CARMIL3: variants seen among roughly 807,000 people sequenced by gnomAD.
CARMIL3 encodes the protein capping protein regulator and myosin 1 linker 3.
Under a neutral mutation model 180.8 loss-of-function variants are expected in CARMIL3, and 88 were observed. The observed-to-expected ratio is 0.49, with a 90% CI of 0.41 to 0.58. The LOEUF is 0.58. Ranked by LOEUF, CARMIL3 falls within the 20% of genes least tolerant of loss-of-function variation. The pLI is 0.00. For synonymous variants in CARMIL3, 696 were observed against 714.5 expected, an observed-to-expected ratio of 0.97 and a Z score of 0.41; for missense variants, 1,548 against 1,787.0, an observed-to-expected ratio of 0.87 and a Z score of 2.41.
intron 1 of CARMIL3, among the ~76,000 whole-genome samples, chr14:24,053,107 A>C (rs558211650): frequency 1.3e-5 from 2 of 152,226 alleles, no homozygotes; most frequent in African/African-American, 2.4e-5. Context: ...CTGCCAGCAG[A>C]TGGGTATGGG....
At position 24,055,137 on chromosome 14, in the gene CARMIL3, G is replaced by A. The variant is rs1273263881; in HGVS notation, c.531+1G>A. On this transcript the variant is annotated splice_donor_variant, in intron 7 of 39. Coordinates refer to ENST00000342740, the MANE Select transcript of CARMIL3 (RefSeq NM_138360.4). LOFTEE classifies it high-confidence loss of function. ...ACACTGCCGTGAGGAGGTTCAATGG[G>A]TATGTTGGGCAGGGACCCCATAGGG... 1 of 1,614,088 alleles carries A rather than the reference G, an allele frequency of 6.2e-7. No individual in the cohort carries two copies. Among genetic ancestry groups the A allele is most frequent in the Non-Finnish European group, 8.5e-7 (1 of 1,180,004 alleles).
At chr14:24,064,462 T>C in intron 32 of CARMIL3, 116 bp downstream of exon 32, 1 of 762,734 alleles carries the variant, frequency 1.3e-6, no homozygotes, top group Non-Finnish European at 2.2e-6. Flanking sequence ...AGCCAGTCTC[T>C]GTGAGAAATT....
In CARMIL3 at chr14:24,058,179, C is replaced by G. The variant is rs1476243229; in HGVS notation, c.1347C>G (p.Leu449=). Residue 449 remains leucine, a synonymous_variant, in exon 17 of 40, where the codon CTC becomes CTG. Transcript: ENST00000342740. The surrounding 1 kb of genome is among the most constrained non-coding windows in gnomAD (Gnocchi z 6.4). ...ALRALLQGLS[L]NSHLSDLHLD... ...GGGCGCTGCTTCAGGGCCTCTCCCT[C>G]AACAGTCACCTCAGTGACCTGCACC... is the stretch of plus-strand genomic sequence containing the variant. The G allele has an allele frequency of 6.2e-7, 1 of 1,613,892 alleles. No homozygotes were observed. The highest frequency in any genetic ancestry group is 1.7e-5 in the Admixed American group (1 of 60,026).
At position 24,054,368 on chromosome 14, in the gene CARMIL3, T is replaced by G; in HGVS notation, c.247-28T>G. 1 of 1,613,660 alleles carries G rather than the reference T, an allele frequency of 6.2e-7. No homozygotes were observed. The highest frequency in any genetic ancestry group is 8.5e-7 in the Non-Finnish European group (1 of 1,179,578). ...AGGAGGGAGCAGAGAGGAGGGAGTC[T>G]GAGGCTCTGACGCTTCGTCTCCCCC... On this transcript the variant is annotated intron_variant, in intron 4 of 39. Coordinates refer to ENST00000342740, the MANE Select transcript of CARMIL3 (RefSeq NM_138360.4). The surrounding 1 kb of genome is among the most constrained non-coding windows in gnomAD (Gnocchi z 5.1).
rs1407982632 is a variant in CARMIL3, at chr14:24,061,840, G to T, written c.2480+168G>T. 10 of 835,506 alleles carry T rather than the reference G, an allele frequency of 1.2e-5. No homozygotes were observed. The highest frequency in any genetic ancestry group is 9.2e-5 in the Admixed American group (3 of 32,778). The allele number at this position is 835,506 out of a possible 1,614,324, so 51.8% of individuals were successfully genotyped here. A position where few individuals can be genotyped will look rare whatever the true frequency, so the allele number is the denominator to read the frequency against. ...GCTATTTAGGGTCTGGCTGGTCTTT[G>T]CCCTAGAAATCTAAGTGCTGAGCTG... On this transcript the variant is annotated intron_variant, in intron 27 of 39. Transcript: ENST00000342740. The surrounding 1 kb of genome is among the most constrained non-coding windows in gnomAD (Gnocchi z 4.1).
At chr14:24,052,875 G>A (rs1247558175) in intron 1 of CARMIL3, among the ~76,000 whole-genome samples, 1 of 152,172 alleles carries the variant, frequency 6.6e-6, no homozygotes, top group Non-Finnish European at 1.5e-5. Context: ...CGGCCACCCA[G>A]CACTGCCACA....
In CARMIL3 at chr14:24,068,891, G is replaced by A. The variant is rs781619347; in HGVS notation, c.3907G>A (p.Asp1303Asn). 12 of 1,607,274 alleles carry A rather than the reference G, an allele frequency of 7.5e-6. No homozygotes were observed. In the East Asian group the frequency reaches 9.0e-5, roughly 12 times the overall value. ...PGVREEAEAG[D>N]AAPGVNKPRL... ...GGTCAGGGAGGAGGCTGAGGCTGGA[G>A]ATGCAGCTCCAGGAGTCAACAAACC... The change falls in exon 38 of 40, where the codon GAT (aspartate) becomes AAT (asparagine). Residue 1303 changes from aspartate (D) to asparagine (N), a missense_variant. Asp to Asn is a conservative substitution (Grantham distance 23, BLOSUM62 1). Coordinates refer to ENST00000342740, the MANE Select transcript of CARMIL3 (RefSeq NM_138360.4).
At position 24,055,807 on chromosome 14, in the gene CARMIL3, C is replaced by T. The variant is rs1386153063; in HGVS notation, c.770+18C>T. 1 of 1,612,246 alleles carries T rather than the reference C, an allele frequency of 6.2e-7. No homozygotes were observed. Among genetic ancestry groups the T allele is most frequent in the Non-Finnish European group, 8.5e-7 (1 of 1,178,410 alleles). Reference sequence around the variant, plus strand: ...CTTAAGACGTGAGGCCAGTCTCCTCCTTGGGCAGTAGTGCACCCTTGATGT... The same window carrying T: ...CTTAAGACGTGAGGCCAGTCTCCTCTTTGGGCAGTAGTGCACCCTTGATGT... On this transcript the variant is annotated intron_variant, in intron 10 of 39. Coordinates refer to ENST00000342740, the MANE Select transcript of CARMIL3 (RefSeq NM_138360.4).
chr14:24,059,096 A>T lies in CARMIL3; in HGVS notation c.1572-39A>T. ...TCTCCTCCTCCAATAGCATGACCCC[A>T]GCCCTTCCCCTCCTACTCTGAGCCC... is the stretch of plus-strand genomic sequence containing the variant. On this transcript the variant is annotated intron_variant, in intron 19 of 39. Transcript: ENST00000342740. This position sits in a 1 kb window ranked among gnomAD's most constrained non-coding sequence, Gnocchi z 6.3. 1 of 1,586,060 alleles carries T rather than the reference A, an allele frequency of 6.3e-7. No homozygotes were observed. Among genetic ancestry groups the T allele is most frequent in the Non-Finnish European group, 8.6e-7 (1 of 1,166,304 alleles).
Position 24,060,662 on chromosome 14 carries a change from A to T in CARMIL3, c.2096A>T (p.Glu699Val). 1 of 1,613,898 alleles carries T rather than the reference A, an allele frequency of 6.2e-7. No homozygotes were observed. Among genetic ancestry groups the T allele is most frequent in the Non-Finnish European group, 8.5e-7 (1 of 1,179,940 alleles). ...LQRLCGRVQEEVRALRLCPLE... is the reference protein window; with the variant it reads ...LQRLCGRVQEVVRALRLCPLE... The stretch of plus-strand genomic sequence containing the variant: ...CGGCTGTGTGGACGAGTGCAGGAGG[A>T]GGTGCGGGCCCTGAGACTATGCCCC... Residue 699 changes from glutamate (E) to valine (V), a missense_variant, in exon 25 of 40, where the codon GAG becomes GTG. By Grantham distance (121) the Glu-to-Val change is moderately radical. This residue lies in a region of CARMIL3 where 297 missense variants were observed against 415.9 expected (regional missense o/e 0.71). Transcript: ENST00000342740.
rs904982809 is a variant in CARMIL3, at chr14:24,055,265, A to G, written c.560A>G (p.Asp187Gly). Residue 187 changes from aspartate to glycine, a missense_variant, in exon 8 of 40, where the codon GAT becomes GGT. Around this residue, in one of 4 missense-constraint regions of CARMIL3, gnomAD observed 578 missense variants for 666.5 expected, o/e 0.87. Coordinates refer to ENST00000342740, the MANE Select transcript of CARMIL3 (RefSeq NM_138360.4). The part of the protein sequence containing the change: ...WDVDTIYHAE[D>G]NREFNLLDFS... Reference sequence around the variant, plus strand: ...GTGGACACCATCTACCATGCTGAAGATAACCGGGAGTTCAATCTTTTGGAT... The same window carrying G: ...GTGGACACCATCTACCATGCTGAAGGTAACCGGGAGTTCAATCTTTTGGAT... 3 of 1,614,150 alleles carry G rather than the reference A, an allele frequency of 1.9e-6. No individual in the cohort carries two copies. Among genetic ancestry groups the G allele is most frequent in the Non-Finnish European group, 2.5e-6 (3 of 1,180,026 alleles).
rs781099727 is a variant in CARMIL3, at chr14:24,055,082, C to G, written c.477C>G (p.Thr159=). ...THSVCGGFSE[T]YAALCDYNGL... The stretch of plus-strand genomic sequence containing the variant: ...GCCCCACAGGTGGCTTCTCTGAGAC[C>G]TACGCTGCTCTGTGTGACTACAATG... The change falls in exon 7 of 40, where the codon ACC becomes ACG. Residue 159 remains threonine (T), a synonymous_variant. Coordinates refer to ENST00000342740, the MANE Select transcript of CARMIL3 (RefSeq NM_138360.4). 1 of 1,613,430 alleles carries G rather than the reference C, an allele frequency of 6.2e-7. No individual in the cohort carries two copies. Among genetic ancestry groups the G allele is most frequent in the East Asian group, 2.2e-5 (1 of 44,894 alleles).
chr14:24,054,543 T>C lies in CARMIL3; in HGVS notation c.362+32T>C, dbSNP rs200190716. On this transcript the variant is annotated intron_variant, in intron 5 of 39. Coordinates refer to ENST00000342740, the MANE Select transcript of CARMIL3 (RefSeq NM_138360.4). This position sits in a 1 kb window ranked among gnomAD's most constrained non-coding sequence, Gnocchi z 5.1. ...GGCAAATAAGGGGTCTCTTAAGGCA[T>C]TAGATGAGAGGGAGAGTTCATCCCT... 5.3e-5 allele frequency: 85 copies of C among 1,596,592 alleles called. 1 individual carries two copies. In the South Asian group the frequency reaches 8.5e-4, roughly 16 times the overall value.
Position 24,058,540 on chromosome 14 carries a change from G to A in CARMIL3, c.1393-140G>A, listed in dbSNP as rs1312955378. On this transcript the variant is annotated intron_variant, in intron 17 of 39. Transcript: ENST00000342740. The surrounding 1 kb of genome is among the most constrained non-coding windows in gnomAD (Gnocchi z 6.4). ...AGCCAGCTCTAGGGAAGGATCTGGTGTGGGGAAAGAGTCTCCCTGATTTTA... is the reference window on the plus strand; with the variant it reads ...AGCCAGCTCTAGGGAAGGATCTGGTATGGGGAAAGAGTCTCCCTGATTTTA... 2.8e-6 allele frequency: 2 copies of A among 707,520 alleles called. No individual in the cohort carries two copies. The highest frequency in any genetic ancestry group is 1.8e-5 in the African/African-American group (1 of 56,266). The allele number at this position is 707,520 out of a possible 1,614,324, so 43.8% of individuals were successfully genotyped here. A position where few individuals can be genotyped will look rare whatever the true frequency, so the allele number is the denominator to read the frequency against.
In CARMIL3 at chr14:24,055,699, A is replaced by T; in HGVS notation, c.682-2A>T. 6.2e-7 allele frequency: 1 copy of T among 1,614,104 alleles called. No homozygotes were observed. The highest frequency in any genetic ancestry group is 8.5e-7 in the Non-Finnish European group (1 of 1,180,012). ...GATCACAAGACCCCCCTCTGTCCTCAGGGCTCTGAAGTGCTAGAACAGGTG... is the reference window on the plus strand; with the variant it reads ...GATCACAAGACCCCCCTCTGTCCTCTGGGCTCTGAAGTGCTAGAACAGGTG... On this transcript the variant is annotated splice_acceptor_variant, in intron 9 of 39. Coordinates refer to ENST00000342740, the MANE Select transcript of CARMIL3 (RefSeq NM_138360.4). LOFTEE classifies it high-confidence loss of function.
At position 24,060,250 on chromosome 14, in the gene CARMIL3, G is replaced by A. The variant is rs773545044; in HGVS notation, c.2056G>A (p.Glu686Lys). The part of the protein sequence containing the change: ...LQQGLVTSSA[E>K]QMLQRLCGRV... ...GCAGGGCCTGGTGACCAGCAGCGCC[G>A]AGCAAGTAAACGTTTCCCTCTGGGA... The change falls in exon 24 of 40, where the codon GAG (glutamate) becomes AAG (lysine). Residue 686 changes from glutamate (E) to lysine (K), a missense_variant. Transcript: ENST00000342740. 7 of 1,614,130 alleles carry A rather than the reference G, an allele frequency of 4.3e-6. No homozygotes were observed. Among genetic ancestry groups the A allele is most frequent in the Admixed American group, 3.3e-5 (2 of 60,032 alleles).
rs2035736346 is a variant in CARMIL3 at position 24,061,806 on chromosome 14, T to C, written c.2480+134T>C. Reference sequence around the variant, plus strand: ...TTACAAGGATCAATCTTTAACCAAGTGCAACCTTGCTATTTAGGGTCTGGC... The same window carrying C: ...TTACAAGGATCAATCTTTAACCAAGCGCAACCTTGCTATTTAGGGTCTGGC... On this transcript the variant is annotated intron_variant, in intron 27 of 39. Transcript: ENST00000342740. The surrounding 1 kb of genome is among the most constrained non-coding windows in gnomAD (Gnocchi z 4.1). The C allele has an allele frequency of 9.6e-7, 1 of 1,043,076 alleles. No homozygotes were observed. The highest frequency in any genetic ancestry group is 1.4e-6 in the Non-Finnish European group (1 of 738,358). 64.6% of individuals were successfully genotyped at this position (1,043,076 alleles called of 1,614,324 possible).
chr14:24,055,936 A>T, intron 10 of CARMIL3, 147 bp downstream of exon 10: 1 of 791,286 alleles, frequency 1.3e-6, no homozygotes, highest in South Asian at 1.6e-5. Flanking sequence ...AGAGGGCACA[A>T]AGCAAGTCGG....
rs769577988 is a variant in CARMIL3 at position 24,056,273 on chromosome 14, C to A, written c.771-26C>A. ...CTGGGACCTGGGGCTCAGCTCAGGA[C>A]AAATCCTTCCTCCCCTTCCCTGAAG... On this transcript the variant is annotated intron_variant, in intron 10 of 39. Transcript: ENST00000342740. 1.9e-6 allele frequency: 3 copies of A among 1,601,214 alleles called. No homozygotes were observed. In the East Asian group the frequency reaches 6.7e-5, roughly 36 times the overall value.
Sources: allele counts gnomAD v4.1 joint callset (sites outside exome capture counted in the v4.1 genomes callset), GRCh38; gene constraint gnomAD v4.1.1; regional missense constraint gnomAD v4.1.1; non-coding constraint Gnocchi (gnomAD v3.1); transcripts MANE v1.5; gene names NCBI Gene and HGNC (gene_info 2026-07-23, HGNC 2026-07-21).